The following MIS18A variants were observed in gnomAD, a reference collection of about 807,000 sequenced individuals.
The protein encoded by MIS18A is protein Mis18-alpha.
MIS18A carries 14 observed loss-of-function variants against 25.0 expected under a neutral mutation model. That is an observed-to-expected ratio of 0.56 (90% CI 0.37 to 0.88). MIS18A has a LOEUF of 0.88. Ranked by LOEUF, MIS18A falls within the 40% of genes least tolerant of loss-of-function variation. The probability of loss-of-function intolerance (pLI) is 0.00; values close to 1 mark genes in which losing one functional copy is unlikely to be tolerated. For missense variants in MIS18A, 292 were observed against 290.8 expected, an observed-to-expected ratio of 1.00 and a Z score of -0.03; for synonymous variants, 134 against 118.6, an observed-to-expected ratio of 1.13 and a Z score of -0.84.
the MIS18A span, among the ~76,000 whole-genome samples, chr21:32,157,027 A>G: frequency 7.1e-6 from 1 of 140,046 alleles, no homozygotes; most frequent in Admixed American, 7.5e-5. Flanking sequence ...GGCTGATTGC[A>G]TTTCCTTTCT....
the MIS18A span, among the ~76,000 whole-genome samples, chr21:32,180,769 G>A: frequency 4.6e-5 from 7 of 152,262 alleles, no homozygotes; most frequent in South Asian, 4.2e-4. Context: ...TTCTCCCTAC[G>A]AGCCTATCCA....
At chr21:32,250,153 CT>C in the MIS18A span, among the ~76,000 whole-genome samples, 1 of 152,178 alleles carries the variant, frequency 6.6e-6, no homozygotes, top group African/African-American at 2.4e-5. Flanking sequence ...ACATCTGAAC[CT>C]AGTTCAACCC....
At chr21:32,155,009 T>C in the MIS18A span, among the ~76,000 whole-genome samples, 2 of 152,204 alleles carry the variant, frequency 1.3e-5, no homozygotes, top group African/African-American at 2.4e-5. Context: ...CAATTAGCTA[T>C]ACAAAACATA....
the MIS18A span, among the ~76,000 whole-genome samples, chr21:32,185,241 G>A: frequency 1.3e-5 from 2 of 151,998 alleles, no homozygotes; most frequent in African/African-American, 4.8e-5. Flanking sequence ...AAACACCCTG[G>A]TCCTCCTCCC....
chr21:32,214,011 G>A, the MIS18A span, among the ~76,000 whole-genome samples: 3 of 152,136 alleles, frequency 2.0e-5, no homozygotes, highest in Non-Finnish European at 4.4e-5. Flanking sequence ...GGGTATGGGA[G>A]GAAACACTCC....
chr21:32,241,842 CTT>C, the MIS18A span, among the ~76,000 whole-genome samples: 1 of 152,220 alleles, frequency 6.6e-6, no homozygotes, highest in African/African-American at 2.4e-5. Context: ...GTGTTGCTCT[CTT>C]GACAATTTCA....
the MIS18A span, among the ~76,000 whole-genome samples, chr21:32,193,449 T>C: frequency 1.3e-5 from 2 of 151,960 alleles, no homozygotes; most frequent in South Asian, 2.1e-4. Context: ...CAATCTGTGC[T>C]TGATATAATA....
chr21:32,201,894 G>A, the MIS18A span, among the ~76,000 whole-genome samples: 8 of 151,996 alleles, frequency 5.3e-5, no homozygotes, highest in African/African-American at 1.9e-4. Flanking sequence ...TCAACTTTGC[G>A]TTACCTTTCT....
chr21:32,199,073 C>T, the MIS18A span, among the ~76,000 whole-genome samples: 3 of 152,146 alleles, frequency 2.0e-5, no homozygotes, highest in Non-Finnish European at 4.4e-5. Context: ...TTGGGATTTG[C>T]AGCAAGGCGG....
chr21:32,182,814 G>C, the MIS18A span, among the ~76,000 whole-genome samples: 2 of 152,154 alleles, frequency 1.3e-5, no homozygotes. Flanking sequence ...TGATCTCCAA[G>C]ATCTCTTCCA....
chr21:32,277,803 G>A (rs538369889), intron 1 of MIS18A: 2 of 152,274 alleles, frequency 1.3e-5, no homozygotes, highest in African/African-American at 4.8e-5. Flanking sequence ...TTTGATAGGT[G>A]CAAAGAGTTA....
chr21:32,180,219 C>T, the MIS18A span, among the ~76,000 whole-genome samples: 1 of 152,188 alleles, frequency 6.6e-6, no homozygotes, highest in Non-Finnish European at 1.5e-5. Flanking sequence ...GGTGAACCTA[C>T]ATTGAAAATA....
At chr21:32,260,353 C>T in the MIS18A span, 1 of 152,136 alleles carries the variant, frequency 6.6e-6, no homozygotes, top group African/African-American at 2.4e-5. Context: ...CAAGCAAGAT[C>T]TTGAAGGACA....
the MIS18A span, among the ~76,000 whole-genome samples, chr21:32,180,376 T>C: frequency 1.1e-4 from 17 of 152,178 alleles, no homozygotes; most frequent in Admixed American, 1.1e-3. Context: ...GCCACTTTCA[T>C]TTCCCAAGGC....
chr21:32,217,402 T>C, the MIS18A span, among the ~76,000 whole-genome samples: 1 of 151,972 alleles, frequency 6.6e-6, no homozygotes, highest in Non-Finnish European at 1.5e-5. Context: ...AGAAACAACA[T>C]ACTTGAAAAT....
the MIS18A span, among the ~76,000 whole-genome samples, chr21:32,219,757 G>A: frequency 6.6e-6 from 1 of 152,178 alleles, no homozygotes; most frequent in Non-Finnish European, 1.5e-5. Context: ...ACAGCAGTCT[G>A]AAGTCAACCT....
the MIS18A span, among the ~76,000 whole-genome samples, chr21:32,185,165 C>T: frequency 6.6e-6 from 1 of 152,132 alleles, no homozygotes; most frequent in Non-Finnish European, 1.5e-5. Context: ...TCCACTGCTC[C>T]CTGCACACTT....
At chr21:32,229,981 A>C in the MIS18A span, among the ~76,000 whole-genome samples, 1 of 152,194 alleles carries the variant, frequency 6.6e-6, no homozygotes, top group Non-Finnish European at 1.5e-5. Context: ...AATAATGTAA[A>C]ACAAAAGAAT....
chr21:32,265,367 G>A (rs539275164), downstream of MIS18A, among the ~76,000 whole-genome samples: 38 of 152,346 alleles, frequency 2.5e-4, no homozygotes, highest in Middle Eastern at 3.4e-3. Context: ...TGCGTGTGGC[G>A]CTTGCGGGCC....
Sources: gnomAD v4.1 joint callset for allele counts (sites outside exome capture counted in the v4.1 genomes callset) on GRCh38, gnomAD v4.1.1 for gene constraint, MANE v1.5 for transcripts, NCBI Gene and HGNC (gene_info 2026-07-23, HGNC 2026-07-21) for gene names.